Variants in LRRC49 observed in about 807,000 individuals in gnomAD.
LRRC49 encodes the protein leucine-rich repeat-containing protein 49.
Under a neutral mutation model 83.3 loss-of-function variants are expected in LRRC49, and 50 were observed. The ratio of observed to expected loss-of-function variants is 0.60; its 90% CI spans 0.48 to 0.76. LRRC49 has a LOEUF of 0.76. Ranked by LOEUF, LRRC49 falls within the 30% of genes least tolerant of loss-of-function variation. The pLI, the probability that LRRC49 is intolerant of heterozygous loss-of-function variation, is 0.00. For missense variants in LRRC49, 704 were observed against 809.1 expected, an observed-to-expected ratio of 0.87 and a Z score of 1.58; for synonymous variants, 286 against 283.3, an observed-to-expected ratio of 1.01 and a Z score of -0.10.
intron 14 of LRRC49, among the ~76,000 whole-genome samples, chr15:71,027,374 C>T (rs201567134): frequency 1.3e-5 from 2 of 152,078 alleles, no homozygotes; most frequent in African/African-American, 2.4e-5. Context: ...AGTCAGGTAG[C>T]GTGATGCCTC....
At chr15:70,894,488 G>A in intron 2 of LRRC49, 8 of 441,694 alleles carry the variant, frequency 1.8e-5, no homozygotes, top group Non-Finnish European at 3.1e-5. Context: ...AATGTCTCTA[G>A]CATTTCTAGA....
intron 1 of LRRC49, chr15:70,858,764 C>G (rs1388599464): frequency 3.5e-6 from 4 of 1,151,228 alleles, no homozygotes; most frequent in East Asian, 2.4e-5. Flanking sequence ...CTCTGGCCCC[C>G]GGGCCTTCAG....
rs535125793 is a variant in LRRC49, at chr15:70,926,392, T to C, written c.711+7199T>C. Among the ~76,000 whole-genome samples the C allele has an allele frequency of 8.5e-5, 13 of 152,300 alleles. No homozygotes were observed. The South Asian group carries it at 2.7e-3, about 32-fold the overall frequency. ...CCAAACATGGCCATAGTTTTAAGTT[T>C]ACATATATATTTTGGTGGACAAATG... On this transcript the variant is annotated intron_variant, in intron 7 of 15. Transcript: ENST00000260382.
At chr15:71,026,734 G>C (rs1042464717) in intron 14 of LRRC49, among the ~76,000 whole-genome samples, 3 of 152,112 alleles carry the variant, frequency 2.0e-5, no homozygotes, top group Non-Finnish European at 4.4e-5. Context: ...CCACATAAAT[G>C]TCTTCTTTTG....
intron 2 of LRRC49, among the ~76,000 whole-genome samples, chr15:70,886,775 A>G (rs1242808136): frequency 6.6e-6 from 1 of 152,078 alleles, no homozygotes; most frequent in Non-Finnish European, 1.5e-5. Context: ...CTGAGACAGG[A>G]GAATCGCTTG....
chr15:71,014,639 A>C (rs921385838), intron 14 of LRRC49, among the ~76,000 whole-genome samples: 4 of 152,180 alleles, frequency 2.6e-5, no homozygotes, highest in African/African-American at 7.2e-5. Context: ...CAGATACAGG[A>C]ATATTAGTGG....
intron 8 of LRRC49, among the ~76,000 whole-genome samples, chr15:70,946,020 C>G (rs1226371274): frequency 2.0e-5 from 3 of 152,108 alleles, no homozygotes; most frequent in African/African-American, 7.2e-5. Flanking sequence ...TATATATACA[C>G]ACATTATAGA....
At chr15:71,039,431 T>C (rs2039631091) in intron 15 of LRRC49, among the ~76,000 whole-genome samples, 1 of 152,182 alleles carries the variant, frequency 6.6e-6, no homozygotes, top group Admixed American at 6.5e-5. Context: ...TGTGTTTGGT[T>C]TCTATGGACG....
At chr15:70,912,164 A>G (rs1395502213) in intron 6 of LRRC49, among the ~76,000 whole-genome samples, 1 of 152,174 alleles carries the variant, frequency 6.6e-6, no homozygotes, top group Non-Finnish European at 1.5e-5. Flanking sequence ...AGTTTTATTT[A>G]TAGTTGTATG....
At chr15:70,887,124 C>T (rs977070770) in intron 2 of LRRC49, among the ~76,000 whole-genome samples, 1 of 151,928 alleles carries the variant, frequency 6.6e-6, no homozygotes, top group African/African-American at 2.4e-5. Context: ...GAAATTGAAT[C>T]CATCATAAAA....
At chr15:70,987,357 A>G (rs1188723986) in intron 11 of LRRC49, among the ~76,000 whole-genome samples, 2 of 151,916 alleles carry the variant, frequency 1.3e-5, no homozygotes. Context: ...TCCTGGTTTA[A>G]TCTTGGGAGG....
intron 8 of LRRC49, among the ~76,000 whole-genome samples, chr15:70,942,033 ATGTGTGTGTGTGTGTG>A (rs34818331): frequency 1.7e-4 from 24 of 144,086 alleles, no homozygotes; most frequent in African/African-American, 2.3e-4. Flanking sequence ...TGTAAAGGTT[ATGTGTGTGTGTGTGTG>A]TGTGTGTGTG....
intron 14 of LRRC49, among the ~76,000 whole-genome samples, chr15:71,017,564 G>T (rs944230669): frequency 4.6e-5 from 7 of 151,936 alleles, no homozygotes; most frequent in African/African-American, 1.7e-4. Context: ...AGCATATAAA[G>T]AGAAAACTCA....
At chr15:70,992,585 T>G (rs2141241692) in intron 11 of LRRC49, among the ~76,000 whole-genome samples, 1 of 152,354 alleles carries the variant, frequency 6.6e-6, no homozygotes, top group South Asian at 2.1e-4. Flanking sequence ...CCAGACCTTG[T>G]TTGCCCAGGT....
chr15:70,968,601 A>G (rs2036878644), intron 9 of LRRC49, among the ~76,000 whole-genome samples: 1 of 152,206 alleles, frequency 6.6e-6, no homozygotes, highest in Non-Finnish European at 1.5e-5. Context: ...TCCCACCAAC[A>G]GTGTAAAAGC....
intron 10 of LRRC49, 54 bp from the exon 11 acceptor site, chr15:70,984,040 T>C: frequency 2.1e-6 from 3 of 1,438,414 alleles, no homozygotes; most frequent in Non-Finnish European, 2.9e-6. Context: ...TAGATGTCAC[T>C]TCTGCTACAA....
intron 14 of LRRC49, among the ~76,000 whole-genome samples, chr15:71,030,939 G>A (rs1263146000): frequency 6.6e-6 from 1 of 151,750 alleles, no homozygotes; most frequent in Non-Finnish European, 1.5e-5. Flanking sequence ...CAAGAACATT[G>A]GGTTAGACCA....
At position 71,009,866 on chromosome 15, in the gene LRRC49, A is replaced by G. The variant is rs990184182; in HGVS notation, c.1467A>G (p.Gln489=). ...TGCAGCAATTTAACGCACTAGCCCA[A>G]CTCCGTCGTATTGACCAGTTGACAA... ...VMLQQFNALA[Q]LRRIDQLTID... The change falls in exon 13 of 16, where the codon CAA becomes CAG. Residue 489 remains glutamine, a synonymous_variant. Transcript: ENST00000260382. 3 of 1,612,466 alleles carry G rather than the reference A, an allele frequency of 1.9e-6. No individual in the cohort carries two copies. The highest frequency in any genetic ancestry group is 1.3e-5 in the African/African-American group (1 of 74,850).
At position 71,012,765 on chromosome 15, in the gene LRRC49, G is replaced by T. The variant is rs756267246; in HGVS notation, c.1594-39G>T. On this transcript the variant is annotated intron_variant, in intron 13 of 15. Coordinates refer to ENST00000260382, the MANE Select transcript of LRRC49 (RefSeq NM_017691.5). ...TATCAGTTTTATTCAGCTAAGAGTT[G>T]GTGTCATTTTTTTACCCCTTTCTAT... The T allele has an allele frequency of 1.7e-5, 18 of 1,075,596 alleles. No individual in the cohort carries two copies. In the East Asian group the frequency reaches 4.0e-4, roughly 24 times the overall value. 66.6% of individuals were successfully genotyped at this position (1,075,596 alleles called of 1,614,324 possible). A position where few individuals can be genotyped will look rare whatever the true frequency, so the allele number is the denominator to read the frequency against.
Sources: allele counts gnomAD v4.1 joint callset (sites outside exome capture counted in the v4.1 genomes callset), GRCh38; gene constraint gnomAD v4.1.1; transcripts MANE v1.5; gene names NCBI Gene and HGNC (gene_info 2026-07-23, HGNC 2026-07-21).